The following CPQ variants were observed in gnomAD, a reference collection of about 807,000 sequenced individuals.
The protein encoded by CPQ is Ser-Met dipeptidase.
A neutral mutation model predicts 45.7 loss-of-function variants in CPQ; 37 were observed. The observed-to-expected ratio is 0.81, with a 90% CI of 0.62 to 1.07. CPQ has a LOEUF of 1.07. CPQ is among the 50% of genes least tolerant of loss of function. The pLI is 0.00. For synonymous variants in CPQ, 186 were observed against 205.8 expected, an observed-to-expected ratio of 0.90 and a Z score of 0.82; for missense variants, 537 against 572.9, an observed-to-expected ratio of 0.94 and a Z score of 0.64.
At chr8:96,675,420 A>G (rs2130724019) in intron 1 of CPQ, among the ~76,000 whole-genome samples, 1 of 152,166 alleles carries the variant, frequency 6.6e-6, no homozygotes, top group South Asian at 2.1e-4. Context: ...TCATGTTCTA[A>G]TTGGTACGTT....
intron 1 of CPQ, 57 bp from the exon 2 acceptor site, chr8:96,784,807 G>C: frequency 1.6e-6 from 2 of 1,278,608 alleles, no homozygotes; most frequent in Non-Finnish European, 2.2e-6. Context: ...CCTGGGTTAT[G>C]GGCAGATAGC....
At chr8:96,801,463 A>C (rs1478209136) in intron 2 of CPQ, among the ~76,000 whole-genome samples, 1 of 152,134 alleles carries the variant, frequency 6.6e-6, no homozygotes, top group African/African-American at 2.4e-5. Context: ...TTTTGATTTT[A>C]TATAATGTAA....
At position 96,806,158 on chromosome 8, in the gene CPQ, T is replaced by C. The variant is rs143974819; in HGVS notation, c.433+20828T>C. On this transcript the variant is annotated intron_variant, in intron 2 of 7. Coordinates refer to ENST00000220763, the MANE Select transcript of CPQ (RefSeq NM_016134.4). Reference sequence around the variant, plus strand: ...TTAGGGAATTTTGCTGCTGTTTTGGTGGGCAATATAGGTTTGGCTGTGTGT... The same window carrying C: ...TTAGGGAATTTTGCTGCTGTTTTGGCGGGCAATATAGGTTTGGCTGTGTGT... Among the ~76,000 whole-genome samples the C allele has an allele frequency of 2.3e-3, 347 of 152,306 alleles. 4 individuals carry two copies. Among genetic ancestry groups the C allele is most frequent in the African/African-American group, 8.2e-3 (339 of 41,576 alleles).
intron 4 of CPQ, among the ~76,000 whole-genome samples, chr8:96,897,645 A>T (rs912466852): frequency 6.6e-6 from 1 of 152,192 alleles, no homozygotes. Context: ...AAGAAACATA[A>T]ATTAATTTTG....
intron 3 of CPQ, among the ~76,000 whole-genome samples, chr8:96,860,416 A>G (rs919210764): frequency 2.6e-5 from 4 of 152,088 alleles, no homozygotes; most frequent in Non-Finnish European, 4.4e-5. Flanking sequence ...TATATTGGCA[A>G]TTTTCCCATG....
chr8:96,987,410 A>G (rs975849526), intron 5 of CPQ, among the ~76,000 whole-genome samples: 1 of 152,166 alleles, frequency 6.6e-6, no homozygotes, highest in African/African-American at 2.4e-5. Flanking sequence ...AAACACAGAA[A>G]TGATAAGGAA....
intron 7 of CPQ, among the ~76,000 whole-genome samples, chr8:97,103,849 T>C (rs1042179596): frequency 2.6e-5 from 4 of 152,198 alleles, no homozygotes; most frequent in Non-Finnish European, 5.9e-5. Context: ...GAAAAGAAGC[T>C]TTCATCATTG....
At chr8:97,027,578 G>C (rs1454882364) in intron 5 of CPQ, among the ~76,000 whole-genome samples, 1 of 152,160 alleles carries the variant, frequency 6.6e-6, no homozygotes, top group African/African-American at 2.4e-5. Flanking sequence ...TACACAGCTA[G>C]TGCCTAATGA....
intron 5 of CPQ, among the ~76,000 whole-genome samples, chr8:97,026,273 T>C (rs1351566484): frequency 6.6e-6 from 1 of 152,188 alleles, no homozygotes; most frequent in African/African-American, 2.4e-5. Context: ...TACATTTGCT[T>C]TGTTTTATTT....
At chr8:96,912,158 G>A (rs1812673062) in intron 4 of CPQ, among the ~76,000 whole-genome samples, 1 of 152,166 alleles carries the variant, frequency 6.6e-6, no homozygotes, top group South Asian at 2.1e-4. Flanking sequence ...AGCTTTAGCT[G>A]GACAAAGGTC....
chr8:97,105,280 A>G (rs1263997843), intron 7 of CPQ, among the ~76,000 whole-genome samples: 1 of 151,978 alleles, frequency 6.6e-6, no homozygotes, highest in Non-Finnish European at 1.5e-5. Flanking sequence ...GAATTTGACA[A>G]CTCTGGATAC....
chr8:96,671,350 T>A (rs908880963), intron 1 of CPQ, among the ~76,000 whole-genome samples: 4 of 152,238 alleles, frequency 2.6e-5, no homozygotes, highest in Admixed American at 2.6e-4. Context: ...TGCAAGTATG[T>A]CTGAGAGAGT....
intron 4 of CPQ, among the ~76,000 whole-genome samples, chr8:96,930,640 C>A (rs1812961893): frequency 6.6e-6 from 1 of 152,198 alleles, no homozygotes; most frequent in Non-Finnish European, 1.5e-5. Context: ...GTTCTCCCAG[C>A]AATGACTTTT....
chr8:96,954,547 T>C (rs1244008776), intron 4 of CPQ, among the ~76,000 whole-genome samples: 1 of 152,144 alleles, frequency 6.6e-6, no homozygotes, highest in African/African-American at 2.4e-5. Context: ...TTCATTCTCC[T>C]TTGTGGTATC....
At chr8:97,064,568 G>A (rs1403976227) in intron 6 of CPQ, among the ~76,000 whole-genome samples, 3 of 152,106 alleles carry the variant, frequency 2.0e-5, no homozygotes, top group Admixed American at 6.6e-5. Flanking sequence ...GTTCTGCATC[G>A]TTAACCTTCT....
chr8:96,722,133 G>T lies in CPQ; in HGVS notation c.-34-62731G>T, dbSNP rs549039883. The stretch of plus-strand genomic sequence containing the variant: ...TCTTGTCCAGTGCTATATCCATAGT[G>T]CTTAGTACAATGCATGGTTCACAAG... On this transcript the variant is annotated intron_variant, in intron 1 of 7. Transcript: ENST00000220763. Among the ~76,000 whole-genome samples the T allele has an allele frequency of 4.6e-5, 7 of 152,184 alleles. No homozygotes were observed. In the East Asian group the frequency reaches 1.2e-3, roughly 25 times the overall value.
chr8:96,872,298 A>G (rs1182543807), intron 3 of CPQ, among the ~76,000 whole-genome samples: 1 of 151,918 alleles, frequency 6.6e-6, no homozygotes, highest in Non-Finnish European at 1.5e-5. Flanking sequence ...TGCATTTTTG[A>G]CTGCCACTGG....
intron 2 of CPQ, among the ~76,000 whole-genome samples, chr8:96,797,791 C>G (rs547602099): frequency 6.6e-6 from 1 of 152,226 alleles, no homozygotes; most frequent in Non-Finnish European, 1.5e-5. Flanking sequence ...GTGGCTCACA[C>G]CTGTAATCCC....
intron 5 of CPQ, among the ~76,000 whole-genome samples, chr8:96,994,954 C>T (rs1054251674): frequency 2.6e-5 from 4 of 151,876 alleles, no homozygotes; most frequent in East Asian, 1.9e-4. Flanking sequence ...AACTTAGAGT[C>T]GAATCTAGTG....
Sources: gnomAD v4.1 joint callset for allele counts (sites outside exome capture counted in the v4.1 genomes callset) on GRCh38, gnomAD v4.1.1 for gene constraint, MANE v1.5 for transcripts, NCBI Gene and HGNC (gene_info 2026-07-23, HGNC 2026-07-21) for gene names.